The following OTUD7A variants were observed in gnomAD, a reference collection of about 807,000 sequenced individuals.
OTUD7A encodes OTU domain-containing protein 7A.
In OTUD7A, 12 loss-of-function variants were observed where a neutral mutation model predicts 65.7. The observed-to-expected ratio is 0.18, with a 90% CI of 0.12 to 0.30. The LOEUF (loss-of-function observed/expected upper bound fraction) is 0.30. Among genes scored for constraint, OTUD7A ranks in the 10% least tolerant of loss-of-function variants. OTUD7A has a pLI of 1.00. For synonymous variants in OTUD7A, 641 were observed against 586.3 expected, an observed-to-expected ratio of 1.09 and a Z score of -1.35; for missense variants, 1,148 against 1,304.8, an observed-to-expected ratio of 0.88 and a Z score of 1.85.
At chr15:31,581,320 C>T (rs1889364014) in intron 3 of OTUD7A, among the ~76,000 whole-genome samples, 1 of 152,196 alleles carries the variant, frequency 6.6e-6, no homozygotes, top group Non-Finnish European at 1.5e-5. Context: ...TCCAGGTGCA[C>T]AGTGCAAGCT....
intron 1 of OTUD7A, chr15:31,767,842 T>C (rs1895129725): frequency 8.2e-6 from 8 of 980,348 alleles, no homozygotes; most frequent in Non-Finnish European, 1.3e-5. Context: ...TGCTGTTTTT[T>C]CTCAATTCTG....
chr15:31,606,212 G>C (rs1890234874), intron 3 of OTUD7A, among the ~76,000 whole-genome samples: 1 of 152,158 alleles, frequency 6.6e-6, no homozygotes, highest in Admixed American at 6.5e-5. Context: ...AGATATGCAG[G>C]GTTGTTGTGA....
At chr15:31,627,584 A>G (rs1482696339) in intron 3 of OTUD7A, among the ~76,000 whole-genome samples, 2 of 152,184 alleles carry the variant, frequency 1.3e-5, no homozygotes, top group Non-Finnish European at 2.9e-5. Context: ...AGCATGATTT[A>G]TAATCCTTTG....
chr15:31,585,869 A>G (rs1393344635), intron 3 of OTUD7A, among the ~76,000 whole-genome samples: 3 of 152,220 alleles, frequency 2.0e-5, no homozygotes, highest in Non-Finnish European at 4.4e-5. Flanking sequence ...AATGACATCA[A>G]TAGAGAGAGG....
chr15:31,665,488 T>C (rs984461996), intron 1 of OTUD7A, among the ~76,000 whole-genome samples: 1 of 152,250 alleles, frequency 6.6e-6, no homozygotes, highest in Non-Finnish European at 1.5e-5. Context: ...ATAGAAGAGC[T>C]ACCAATTTGT....
rs1023114028 is a variant in OTUD7A at position 31,813,101 on chromosome 15, C to T, written c.-100+57406G>A. Among the ~76,000 whole-genome samples the T allele has an allele frequency of 1.4e-4, 22 of 152,140 alleles. 1 individual carries two copies. Among genetic ancestry groups the T allele is most frequent in the Admixed American group, 7.9e-4 (12 of 15,280 alleles). ...GGCAGCTGTCAAACGCCGGGGAGCC[C>T]GGGAATTGCTGGTAGCATGTGCTCA... On this transcript the variant is annotated intron_variant, in intron 1 of 12. Coordinates refer to ENST00000307050, the MANE Select transcript of OTUD7A (RefSeq NM_001382637.1).
At chr15:31,511,191 C>CACAT (rs1555391776) in intron 8 of OTUD7A, among the ~76,000 whole-genome samples, 1 of 2,536 alleles carries the variant, frequency 3.9e-4, no homozygotes, top group Non-Finnish European at 6.0e-4. Context: ...ATATGTAACA[C>CACAT]ACATATGTAT....
chr15:31,627,075 G>T (rs1476368889), intron 3 of OTUD7A, among the ~76,000 whole-genome samples: 1 of 151,846 alleles, frequency 6.6e-6, no homozygotes, highest in Admixed American at 6.6e-5. Context: ...GGTTAGGGTG[G>T]CTATGGCAAC....
chr15:31,525,948 A>G (rs2042005558), intron 8 of OTUD7A, among the ~76,000 whole-genome samples: 1 of 152,218 alleles, frequency 6.6e-6, no homozygotes, highest in East Asian at 1.9e-4. Context: ...AGAAAACCCA[A>G]ACTTCAGAGC....
At chr15:31,607,581 G>T (rs1048525292) in intron 3 of OTUD7A, among the ~76,000 whole-genome samples, 1 of 152,080 alleles carries the variant, frequency 6.6e-6, no homozygotes, top group Non-Finnish European at 1.5e-5. Context: ...ATTACCAGTG[G>T]TCCCTTAAGA....
intron 1 of OTUD7A, among the ~76,000 whole-genome samples, chr15:31,854,103 G>A (rs1212586680): frequency 3.9e-5 from 6 of 152,160 alleles, no homozygotes; most frequent in East Asian, 1.9e-4. Context: ...ATCTAAAATC[G>A]GGTTAAAATC....
intron 1 of OTUD7A, among the ~76,000 whole-genome samples, chr15:31,758,580 AT>A (rs1304261560): frequency 6.6e-6 from 1 of 152,246 alleles, no homozygotes; most frequent in Non-Finnish European, 1.5e-5. Flanking sequence ...AGACATGGTC[AT>A]TTATAAAGAC....
intron 1 of OTUD7A, chr15:31,766,798 T>G: frequency 1.2e-6 from 2 of 1,613,068 alleles, no homozygotes; most frequent in Non-Finnish European, 1.7e-6. Flanking sequence ...GAATTCCTGT[T>G]TGGGCTTAGA....
In OTUD7A at chr15:31,723,206, AACT is replaced by A. The variant is rs1893789643; in HGVS notation, c.-99-66132_-99-66130del. Among the ~76,000 whole-genome samples, 3 of 152,166 alleles carry A rather than the reference AACT, an allele frequency of 2.0e-5. No individual in the cohort carries two copies. In the South Asian group the frequency reaches 6.2e-4, roughly 32 times the overall value. ...GGATGGCTGCGTGGCAAGGGATTGA[AACT>A]GCTGGAGGAGGCCCGGAGGCCTGCC... is the stretch of plus-strand genomic sequence containing the variant. On this transcript the variant is annotated intron_variant, in intron 1 of 12. Coordinates refer to ENST00000307050, the MANE Select transcript of OTUD7A (RefSeq NM_001382637.1).
chr15:31,683,618 G>A (rs1892770650), intron 1 of OTUD7A, among the ~76,000 whole-genome samples: 1 of 151,836 alleles, frequency 6.6e-6, no homozygotes, highest in East Asian at 1.9e-4. Context: ...AAAAGGATAG[G>A]TACCTCATAA....
chr15:31,599,041 G>A (rs997898670), intron 3 of OTUD7A, among the ~76,000 whole-genome samples: 20 of 152,208 alleles, frequency 1.3e-4, no homozygotes, highest in Non-Finnish European at 2.9e-5. Flanking sequence ...ATCTCCCTGG[G>A]ACAGAGCACC....
chr15:31,766,361 C>A, intron 1 of OTUD7A: 1 of 1,592,052 alleles, frequency 6.3e-7, no homozygotes, highest in South Asian at 1.1e-5. Flanking sequence ...GGGGAAATAA[C>A]AAACAACATA....
At chr15:31,536,889 A>C (rs1417117646) in intron 5 of OTUD7A, among the ~76,000 whole-genome samples, 2 of 152,226 alleles carry the variant, frequency 1.3e-5, no homozygotes, top group African/African-American at 4.8e-5. Context: ...GTACACACAT[A>C]CAGTAAGATG....
intron 1 of OTUD7A, chr15:31,767,241 G>C: frequency 1.1e-6 from 1 of 919,056 alleles, no homozygotes; most frequent in Admixed American, 1.9e-5. Context: ...TATCCCACTG[G>C]ATCTATCTGA....
Sources: allele counts gnomAD v4.1 joint callset (sites outside exome capture counted in the v4.1 genomes callset), GRCh38; gene constraint gnomAD v4.1.1; transcripts MANE v1.5; gene names NCBI Gene and HGNC (gene_info 2026-07-23, HGNC 2026-07-21).